Variants in SLC15A2 observed in about 807,000 individuals in gnomAD.
The protein encoded by SLC15A2 is solute carrier family 15 member 2, also known as kidney H(+)/peptide cotransporter.
In SLC15A2, 77 loss-of-function variants were observed where a neutral mutation model predicts 95.5. The observed-to-expected ratio is 0.81, with a 90% CI of 0.67 to 0.97. SLC15A2 has a LOEUF of 0.97. SLC15A2 is among the 50% of genes least tolerant of loss of function. The probability of loss-of-function intolerance (pLI) is 0.00; values close to 1 mark genes in which losing one functional copy is unlikely to be tolerated. For synonymous variants in SLC15A2, 306 were observed against 306.9 expected (o/e 1.00, Z 0.03); for missense variants, 893 against 874.4 (o/e 1.02, Z -0.27).
In SLC15A2 at chr3:121,896,484, G is replaced by A; in HGVS notation, c.184G>A (p.Gly62Arg). 1 of 1,613,678 alleles carries A rather than the reference G, an allele frequency of 6.2e-7. No individual in the cohort carries two copies. The highest frequency in any genetic ancestry group is 8.5e-7 in the Non-Finnish European group (1 of 1,179,670). ...ATTCTGCGAGCGCTTTTCCTATTAT[G>A]GAATGAAAGGTAATTTTGTGTCCAA... The part of the protein sequence containing the change: ...NEFCERFSYY[G>R]MKAVLILYFL... Residue 62 changes from glycine to arginine, a missense_variant, in exon 2 of 22, where the codon GGA (glycine) becomes AGA (arginine). Gly to Arg is a moderately radical substitution (Grantham distance 125). Coordinates refer to ENST00000489711, the MANE Select transcript of SLC15A2 (RefSeq NM_021082.4).
rs756802064 is a variant in SLC15A2, at chr3:121,924,382, A to C, written c.1034A>C (p.Gln345Pro). Residue 345 changes from glutamine to proline, a missense_variant and splice_region_variant, in exon 12 of 22, where the codon CAG becomes CCG. Gln to Pro is a moderately conservative substitution (Grantham distance 76). Transcript: ENST00000489711. Reference sequence around the variant, plus strand: ...TTTGTGCTTCAGCCGGACCAGATGCAGGTATGTGACTCTTCTATAGCCATG... The same window carrying C: ...TTTGTGCTTCAGCCGGACCAGATGCCGGTATGTGACTCTTCTATAGCCATG... ...GFFVLQPDQM[Q>P]VLNPLLVLIF... 18 of 1,613,118 alleles carry C rather than the reference A, an allele frequency of 1.1e-5. No homozygotes were observed. Among genetic ancestry groups the C allele is most frequent in the Non-Finnish European group, 1.5e-5 (18 of 1,179,316 alleles).
rs780007772 is a variant in SLC15A2, at chr3:121,922,235, G to A, written c.713G>A (p.Gly238Glu). The part of the protein sequence containing the change: ...MVIALVVFAM[G>E]SKIYNKPPPE... ...TCAACTGCAGTTGTGTTTGCAATGGGAAGCAAAATATACAATAAACCACCC... is the reference window on the plus strand; with the variant it reads ...TCAACTGCAGTTGTGTTTGCAATGGAAAGCAAAATATACAATAAACCACCC... The change falls in exon 8 of 22, where the codon GGA (glycine) becomes GAA (glutamate). Residue 238 changes from glycine (G) to glutamate (E), a missense_variant. Physicochemically the swap from Gly to Glu is moderately conservative, Grantham distance 98. Transcript: ENST00000489711. 2.1e-5 allele frequency: 34 copies of A among 1,613,648 alleles called. 1 individual carries two copies. In the East Asian group the frequency reaches 4.2e-4, roughly 20 times the overall value.
In SLC15A2 at chr3:121,928,538, T is replaced by C. The variant is rs758786865; in HGVS notation, c.1324T>C (p.Ser442Pro). 4 of 1,613,948 alleles carry C rather than the reference T, an allele frequency of 2.5e-6. No homozygotes were observed. Among genetic ancestry groups the C allele is most frequent in the Non-Finnish European group, 3.4e-6 (4 of 1,179,898 alleles). ...GNENNSLLIE[S>P]IKSFQKTPHY... The stretch of plus-strand genomic sequence containing the variant: ...TGAAAACAATTCTCTGTTGATAGAG[T>C]CCATCAAATCCTTTCAGGTGAGGTG... The change falls in exon 15 of 22, where the codon TCC (serine) becomes CCC (proline). Residue 442 changes from serine to proline, a missense_variant. Transcript: ENST00000489711.
Position 121,925,109 on chromosome 3 carries a change from C to T in SLC15A2, c.1124+76C>T, listed in dbSNP as rs1710088736. On this transcript the variant is annotated intron_variant, in intron 13 of 21. Transcript: ENST00000489711. Reference sequence around the variant, plus strand: ...GCCCAGTTTGAAAAAGATTCAATGTCAGTATTTTTCTTAGTGAGGATTGGT... The same window carrying T: ...GCCCAGTTTGAAAAAGATTCAATGTTAGTATTTTTCTTAGTGAGGATTGGT... The T allele has an allele frequency of 6.9e-6, 7 of 1,017,516 alleles. No homozygotes were observed. The South Asian group carries it at 9.2e-5, about 13-fold the overall frequency. 63.0% of individuals were successfully genotyped at this position (1,017,516 alleles called of 1,614,324 possible).
At chr3:121,911,012 G>C (rs995586390) in intron 3 of SLC15A2, among the ~76,000 whole-genome samples, 13 of 152,200 alleles carry the variant, frequency 8.5e-5, no homozygotes, top group Admixed American at 6.5e-4. Context: ...ATTAATCCAA[G>C]AGTCCAAGTT....
At chr3:121,896,612 C>G (rs560449756) in intron 2 of SLC15A2, 119 bp downstream of exon 2, 369 of 782,506 alleles carry the variant, frequency 4.7e-4, no homozygotes, top group Non-Finnish European at 7.7e-4. Flanking sequence ...TGCCTTGGTC[C>G]AAATTGGTCC....
At chr3:121,906,989 A>G (rs1055903267) in intron 3 of SLC15A2, among the ~76,000 whole-genome samples, 67 of 152,206 alleles carry the variant, frequency 4.4e-4, no homozygotes, top group Non-Finnish European at 3.7e-4. Flanking sequence ...AGGTACACCA[A>G]TCAAATGTAG....
intron 3 of SLC15A2, among the ~76,000 whole-genome samples, chr3:121,910,888 C>T (rs1428415748): frequency 6.6e-6 from 1 of 152,188 alleles, no homozygotes; most frequent in Non-Finnish European, 1.5e-5. Flanking sequence ...AACAATACAA[C>T]AGGATGTTCC....
At chr3:121,908,822 A>T (rs1170499794) in intron 3 of SLC15A2, among the ~76,000 whole-genome samples, 2 of 152,142 alleles carry the variant, frequency 1.3e-5, no homozygotes, top group Non-Finnish European at 2.9e-5. Context: ...AACCAAAGGA[A>T]TGCTGGATTA....
At chr3:121,913,169 A>G (rs1403095382) in intron 5 of SLC15A2, 49 bp downstream of exon 5, 4 of 1,417,394 alleles carry the variant, frequency 2.8e-6, no homozygotes, top group Non-Finnish European at 4.0e-6. Context: ...GCCAGCATTA[A>G]TGGGGGTATC....
chr3:121,923,213 TTGC>T lies in SLC15A2; in HGVS notation c.958-8_958-6del. ...AGGGATTTCTCATAACAGGATCTGTTTGCCCTAGGGTTCACGATGGACTTTGCA... is the reference window on the plus strand; with the variant it reads ...AGGGATTTCTCATAACAGGATCTGTTCCTAGGGTTCACGATGGACTTTGCA... On this transcript the variant is annotated splice_polypyrimidine_tract_variant and splice_region_variant and intron_variant, in intron 10 of 21. Transcript: ENST00000489711. 1 of 1,613,992 alleles carries T rather than the reference TTGC, an allele frequency of 6.2e-7. No homozygotes were observed. Among genetic ancestry groups the T allele is most frequent in the Non-Finnish European group, 8.5e-7 (1 of 1,179,878 alleles).
chr3:121,897,658 C>A, intron 3 of SLC15A2, 129 bp downstream of exon 3: 1 of 851,356 alleles, frequency 1.2e-6, no homozygotes, highest in Non-Finnish European at 1.8e-6. Context: ...CTCTGTACAT[C>A]TGTGTAGTGT....
At chr3:121,925,681 A>C (rs1159844339) in intron 13 of SLC15A2, among the ~76,000 whole-genome samples, 3 of 138,398 alleles carry the variant, frequency 2.2e-5, no homozygotes, top group Non-Finnish European at 4.7e-5. Flanking sequence ...AAAAAAAAAA[A>C]CAACATTTCC....
At chr3:121,919,074 T>C (rs537383484) in intron 7 of SLC15A2, among the ~76,000 whole-genome samples, 3 of 152,246 alleles carry the variant, frequency 2.0e-5, no homozygotes, top group South Asian at 2.1e-4. Context: ...ATGCTAGCAA[T>C]TGCAGAGTCC....
At chr3:121,895,852 T>C (rs1227735871) in intron 1 of SLC15A2, among the ~76,000 whole-genome samples, 4 of 152,234 alleles carry the variant, frequency 2.6e-5, no homozygotes, top group African/African-American at 9.6e-5. Context: ...AGGTGATCAA[T>C]TAGCTTACCC....
intron 19 of SLC15A2, among the ~76,000 whole-genome samples, chr3:121,932,739 A>C (rs1364124648): frequency 1.3e-5 from 2 of 152,236 alleles, no homozygotes; most frequent in African/African-American, 4.8e-5. Flanking sequence ...AATTTAATTA[A>C]CTTGATCCCT....
Position 121,939,500 on chromosome 3 carries a change from G to T in SLC15A2, c.1908+5G>T. ...CTTGAGTTTTCTTATTCTCAGGTAA[G>T]TTTTTGCAAATAGAAGGTAGAAATT... is the stretch of plus-strand genomic sequence containing the variant. On this transcript the variant is annotated splice_donor_5th_base_variant and intron_variant, in intron 20 of 21. Coordinates refer to ENST00000489711, the MANE Select transcript of SLC15A2 (RefSeq NM_021082.4). The T allele has an allele frequency of 6.7e-7, 1 of 1,487,944 alleles. No individual in the cohort carries two copies. 92.2% of individuals were successfully genotyped at this position (1,487,944 alleles called of 1,614,324 possible). A position where few individuals can be genotyped will look rare whatever the true frequency, so the allele number is the denominator to read the frequency against.
intron 5 of SLC15A2, 76 bp downstream of exon 5, chr3:121,913,196 G>A: frequency 8.8e-7 from 1 of 1,137,680 alleles, no homozygotes; most frequent in Non-Finnish European, 1.3e-6. Context: ...GTAGCCATTT[G>A]CCAAGATTGA....
chr3:121,910,645 C>T (rs1709747469), intron 3 of SLC15A2, among the ~76,000 whole-genome samples: 1 of 152,186 alleles, frequency 6.6e-6, no homozygotes, highest in African/African-American at 2.4e-5. Flanking sequence ...CCATTCTATT[C>T]TCTTTATTCC....
Sources: gnomAD v4.1 joint callset for allele counts (sites outside exome capture counted in the v4.1 genomes callset) on GRCh38, gnomAD v4.1.1 for gene constraint, MANE v1.5 for transcripts, NCBI Gene and HGNC (gene_info 2026-07-23, HGNC 2026-07-21) for gene names.